Variants in ZNF469 observed in about 807,000 individuals in gnomAD.
The protein encoded by ZNF469 is zinc finger protein 469.
A neutral mutation model predicts 1.0 loss-of-function variants in ZNF469; 1 was observed. The observed-to-expected ratio is 1.00, with a 90% CI of 0.35 to 4.73. ZNF469 has a LOEUF of 4.73. Ranked by LOEUF, ZNF469 falls within the 30% of genes most tolerant of loss-of-function variation. ZNF469 has a pLI of 0.16. For missense variants in ZNF469, 6,100 were observed against 5,356.3 expected (o/e 1.14, Z -4.33); for synonymous variants, 2,703 against 2,363.4 (o/e 1.14, Z -4.17).
At chr16:88,270,764 C>T in the ZNF469 span, among the ~76,000 whole-genome samples, 1 of 152,242 alleles carries the variant, frequency 6.6e-6, no homozygotes, top group African/African-American at 2.4e-5. Flanking sequence ...AGGAAAAGCC[C>T]ATCGCTGAAC....
the ZNF469 span, among the ~76,000 whole-genome samples, chr16:88,176,618 C>G: frequency 6.6e-6 from 1 of 152,024 alleles, no homozygotes; most frequent in African/African-American, 2.4e-5. Context: ...TCTTGAAACT[C>G]TAAGAAATAT....
chr16:88,420,154 C>T (rs1258217583), intron 1 of ZNF469, among the ~76,000 whole-genome samples: 1 of 152,272 alleles, frequency 6.6e-6, no homozygotes, highest in Non-Finnish European at 1.5e-5. Context: ...GGCAGTTCTC[C>T]CGCAGCTCCC....
chr16:88,187,461 C>G, the ZNF469 span, among the ~76,000 whole-genome samples: 1 of 152,248 alleles, frequency 6.6e-6, no homozygotes, highest in African/African-American at 2.4e-5. Flanking sequence ...CACAGGCCCT[C>G]TGTAATCAGA....
the ZNF469 span, among the ~76,000 whole-genome samples, chr16:88,147,162 G>A: frequency 8.5e-5 from 13 of 152,068 alleles, no homozygotes; most frequent in African/African-American, 2.9e-4. Context: ...ACGAGGCCAC[G>A]GAGAGACTGG....
the ZNF469 span, among the ~76,000 whole-genome samples, chr16:88,172,102 G>A: frequency 2.0e-5 from 3 of 152,230 alleles, no homozygotes; most frequent in East Asian, 3.8e-4. Flanking sequence ...CTGAGTAGAG[G>A]AGATAGAAAT....
the ZNF469 span, among the ~76,000 whole-genome samples, chr16:88,253,023 G>T: frequency 6.6e-6 from 1 of 152,212 alleles, no homozygotes; most frequent in African/African-American, 2.4e-5. Flanking sequence ...ACGCTGTTGT[G>T]TATTTCAGTG....
chr16:88,382,203 CCGGGGACGGGCACGTA>C (rs2142258579), upstream of ZNF469, among the ~76,000 whole-genome samples: 1 of 152,360 alleles, frequency 6.6e-6, no homozygotes, highest in African/African-American at 2.4e-5. Context: ...TCTGGGACAG[CCGGGGACGGGCACGTA>C]CTGGGCCAGG....
At chr16:88,186,926 A>AC in the ZNF469 span, among the ~76,000 whole-genome samples, 1 of 151,756 alleles carries the variant, frequency 6.6e-6, no homozygotes, top group Non-Finnish European at 1.5e-5. Context: ...GAGACACTGG[A>AC]CCCGGGACGC....
chr16:88,149,477 G>A, the ZNF469 span, among the ~76,000 whole-genome samples: 1 of 152,226 alleles, frequency 6.6e-6, no homozygotes, highest in Non-Finnish European at 1.5e-5. Flanking sequence ...CAGCCTGAGT[G>A]CAGAGATGGG....
chr16:88,132,563 G>A, the ZNF469 span, among the ~76,000 whole-genome samples: 19 of 152,278 alleles, frequency 1.2e-4, no homozygotes, highest in Non-Finnish European at 1.8e-4. Context: ...GGAGACACAC[G>A]CTGGCCCCAG....
Position 88,435,573 on chromosome 16 carries a change from G to T in ZNF469, c.8103G>T (p.Gly2701=). The T allele has an allele frequency of 6.5e-7, 1 of 1,550,024 alleles. No homozygotes were observed. ...CTCGCTTGGCCACTCTGGGACCTGG[G>T]GTGATGGAGGGTGCAGCGGAGACTG... ...QPPRLATLGP[G]VMEGAAETDQ... is the part of the protein sequence containing the mutation. Residue 2701 remains glycine (G), a synonymous_variant, in exon 3 of 3, where the codon GGG becomes GGT. Coordinates refer to ENST00000565624, the MANE Select transcript of ZNF469 (RefSeq NM_001367624.2).
the ZNF469 span, among the ~76,000 whole-genome samples, chr16:88,303,238 A>G: frequency 1.3e-5 from 2 of 152,242 alleles, no homozygotes; most frequent in African/African-American, 4.8e-5. Context: ...GCCGCCAGCC[A>G]TGGTGATCAT....
intron 1 of ZNF469, among the ~76,000 whole-genome samples, chr16:88,418,104 G>A (rs375189709): frequency 6.6e-5 from 10 of 152,114 alleles, no homozygotes; most frequent in Admixed American, 5.9e-4. Flanking sequence ...GACTCTACCC[G>A]GGCTCCTGAG....
chr16:88,343,647 G>A, the ZNF469 span, among the ~76,000 whole-genome samples: 5 of 152,112 alleles, frequency 3.3e-5, no homozygotes, highest in Admixed American at 6.5e-5. Flanking sequence ...AGGCAGCACA[G>A]GGCATCCATG....
the ZNF469 span, among the ~76,000 whole-genome samples, chr16:88,322,213 G>A: frequency 3.3e-5 from 5 of 152,316 alleles, no homozygotes; most frequent in African/African-American, 7.2e-5. Flanking sequence ...TGTCAGAGCC[G>A]GGGGCGCTTT....
Position 88,431,163 on chromosome 16 carries a change from C to T in ZNF469, c.3693C>T (p.Ala1231=). 7 of 1,550,344 alleles carry T rather than the reference C, an allele frequency of 4.5e-6. No homozygotes were observed. Among genetic ancestry groups the T allele is most frequent in the Non-Finnish European group, 6.1e-6 (7 of 1,146,966 alleles). ...AGGAGGCCAAGGAGCCTGAAACTGC[C>T]GAAGAGTCAGCCCCGGACAGCACAG... ...FPQEAKEPET[A]EESAPDSTEF... The change falls in exon 3 of 3, where the codon GCC becomes GCT. Residue 1231 remains alanine, a synonymous_variant. Coordinates refer to ENST00000565624, the MANE Select transcript of ZNF469 (RefSeq NM_001367624.2).
At chr16:88,101,770 G>A in the ZNF469 span, among the ~76,000 whole-genome samples, 2 of 152,140 alleles carry the variant, frequency 1.3e-5, no homozygotes, top group Admixed American at 6.5e-5. Flanking sequence ...ACTTCGGTGA[G>A]GTGTCTGTTT....
rs770775791 is a variant in ZNF469 at position 88,427,656 on chromosome 16, G to T, written c.186G>T (p.Glu62Asp). ...GGQAQAMELP[E>D]AQPRQARDGE... ...AGGCCCAGGCCATGGAGCTCCCCGA[G>T]GCCCAGCCAAGGCAGGCCAGGGACG... Residue 62 changes from glutamate to aspartate, a missense_variant, in exon 3 of 3, where the codon GAG (glutamate) becomes GAT (aspartate). Transcript: ENST00000565624. 53 of 1,536,858 alleles carry T rather than the reference G, an allele frequency of 3.4e-5. No individual in the cohort carries two copies. Among genetic ancestry groups the T allele is most frequent in the Non-Finnish European group, 4.5e-5 (52 of 1,145,772 alleles).
At chr16:88,259,703 A>T in the ZNF469 span, among the ~76,000 whole-genome samples, 1 of 151,466 alleles carries the variant, frequency 6.6e-6, no homozygotes, top group Non-Finnish European at 1.5e-5. The surrounding 1 kb of genome is among the most constrained non-coding windows in gnomAD (Gnocchi z 4.1). Context: ...CCCCACCTGC[A>T]CTCACACCAA....
Sources: allele counts gnomAD v4.1 joint callset (sites outside exome capture counted in the v4.1 genomes callset), GRCh38; gene constraint gnomAD v4.1.1; non-coding constraint Gnocchi (gnomAD v3.1); transcripts MANE v1.5; gene names NCBI Gene and HGNC (gene_info 2026-07-23, HGNC 2026-07-21).